Variants in ZFYVE28 observed in about 807,000 individuals in gnomAD.
ZFYVE28 encodes zinc finger FYVE-type containing 28, also known as lateral signaling target protein 2 homolog.
In ZFYVE28, 40 loss-of-function variants were observed where a neutral mutation model predicts 82.1. The observed-to-expected ratio is 0.49, with a 90% CI of 0.38 to 0.63. The LOEUF (loss-of-function observed/expected upper bound fraction) is 0.63, where lower values mean the gene tolerates loss of function less well. ZFYVE28 is among the 30% of genes least tolerant of loss of function. The pLI is 0.00. For missense variants in ZFYVE28, 1,321 were observed against 1,242.1 expected (o/e 1.06, Z -0.96); for synonymous variants, 612 against 546.1 (o/e 1.12, Z -1.68).
At chr4:2,276,165 C>T (rs1304428406) in intron 8 of ZFYVE28, among the ~76,000 whole-genome samples, 1 of 152,188 alleles carries the variant, frequency 6.6e-6, no homozygotes, top group African/African-American at 2.4e-5. Flanking sequence ...AGGCTGGAAG[C>T]GTCCCTGGAG....
In ZFYVE28 at chr4:2,362,111, C is replaced by T. The variant is rs548751989; in HGVS notation, c.40-8038G>A. ...CCAGGCAGCCAGCTCCCTACCCCTACAGCCCCCACACTCAGCCGTGGAGAC... is the reference window on the plus strand; with the variant it reads ...CCAGGCAGCCAGCTCCCTACCCCTATAGCCCCCACACTCAGCCGTGGAGAC... On this transcript the variant is annotated intron_variant, in intron 1 of 12. Coordinates refer to ENST00000290974, the MANE Select transcript of ZFYVE28 (RefSeq NM_020972.3). The surrounding 1 kb of genome is among the most constrained non-coding windows in gnomAD (Gnocchi z 5.1). Among the ~76,000 whole-genome samples the T allele has an allele frequency of 6.6e-5, 10 of 152,268 alleles. No homozygotes were observed. The South Asian group carries it at 1.9e-3, about 28-fold the overall frequency.
intron 1 of ZFYVE28, among the ~76,000 whole-genome samples, chr4:2,358,669 G>A (rs1048940560): frequency 4.6e-5 from 7 of 152,188 alleles, no homozygotes; most frequent in African/African-American, 1.4e-4. Context: ...GCCTGGTGGG[G>A]TTGGATGAGG....
In ZFYVE28 at chr4:2,335,743, C is replaced by T. The variant is rs533488491; in HGVS notation, c.663G>A (p.Pro221=). 6.0e-5 allele frequency: 95 copies of T among 1,575,468 alleles called. No homozygotes were observed. Among genetic ancestry groups the T allele is most frequent in the Non-Finnish European group, 7.5e-5 (87 of 1,160,616 alleles). The change falls in exon 6 of 13, where the codon CCG becomes CCA. Residue 221 remains proline (P), a synonymous_variant. Transcript: ENST00000290974. The surrounding 1 kb of genome is among the most constrained non-coding windows in gnomAD (Gnocchi z 5.8). ...LTQDMIDDYE[P]ALMFSIPRLA... ...GCCTGGGGATGCTGAACATGAGGGC[C>T]GGCTCGTAGTCATCAATCATGTCCT...
chr4:2,284,143 G>A (rs1712377382), intron 8 of ZFYVE28, among the ~76,000 whole-genome samples: 1 of 152,236 alleles, frequency 6.6e-6, no homozygotes, highest in Non-Finnish European at 1.5e-5. Flanking sequence ...CAGGCTCGCT[G>A]TGGAGCATGT....
At chr4:2,405,847 A>G (rs528196379) in intron 1 of ZFYVE28, among the ~76,000 whole-genome samples, 4 of 152,168 alleles carry the variant, frequency 2.6e-5, no homozygotes, top group Non-Finnish European at 5.9e-5. Context: ...CAGGAGTTCG[A>G]GACCACCCTG....
At chr4:2,374,402 A>G (rs969859208) in intron 1 of ZFYVE28, among the ~76,000 whole-genome samples, 4 of 152,202 alleles carry the variant, frequency 2.6e-5, no homozygotes, top group Non-Finnish European at 4.4e-5. Context: ...GTTTGAGTCC[A>G]GGAGCTCGAG....
chr4:2,308,504 AAGGG>A (rs1318096232), intron 7 of ZFYVE28, among the ~76,000 whole-genome samples: 5 of 113,728 alleles, frequency 4.4e-5, no homozygotes, highest in South Asian at 3.4e-4. Context: ...GGAAGGAAGG[AAGGG>A]AGGGAGGGAG....
intron 8 of ZFYVE28, among the ~76,000 whole-genome samples, chr4:2,296,735 C>A (rs1714632424): frequency 3.3e-5 from 5 of 152,142 alleles, no homozygotes; most frequent in Admixed American, 3.3e-4. Context: ...CGGGGCGGCA[C>A]CTGCTGCTCA....
intron 1 of ZFYVE28, among the ~76,000 whole-genome samples, chr4:2,397,512 C>T (rs1003885694): frequency 4.0e-5 from 6 of 151,102 alleles, no homozygotes; most frequent in African/African-American, 1.5e-4. Context: ...CATTGCTGTG[C>T]AACCATCACC....
intron 2 of ZFYVE28, among the ~76,000 whole-genome samples, chr4:2,345,289 C>T (rs1375287503): frequency 6.6e-6 from 1 of 152,154 alleles, no homozygotes; most frequent in East Asian, 1.9e-4. Flanking sequence ...CAAAATCAAG[C>T]CAGACTTGAC....
chr4:2,350,022 G>C (rs997152375), intron 2 of ZFYVE28, among the ~76,000 whole-genome samples: 3 of 128,100 alleles, frequency 2.3e-5, no homozygotes, highest in African/African-American at 8.9e-5. Flanking sequence ...TAGTTCAATA[G>C]GGTGACACAC....
chr4:2,417,480 G>C lies in ZFYVE28; in HGVS notation c.39+805C>G, dbSNP rs1733203557. On this transcript the variant is annotated intron_variant, in intron 1 of 12. Transcript: ENST00000290974. This position sits in a 1 kb window ranked among gnomAD's most constrained non-coding sequence, Gnocchi z 4.8. ...CCCGGACCCCGACCCCGCGGCGCTA[G>C]GAGAGGCGCGGGCGCCGGCTGGAGA... is the stretch of plus-strand genomic sequence containing the variant. 1.3e-5 allele frequency among the ~76,000 whole-genome samples: 2 copies of C among 150,982 alleles called. No individual in the cohort carries two copies. Among genetic ancestry groups the C allele is most frequent in the Admixed American group, 1.3e-4 (2 of 15,152 alleles).
At chr4:2,305,745 G>C (rs1160646050) in intron 7 of ZFYVE28, among the ~76,000 whole-genome samples, 1 of 152,232 alleles carries the variant, frequency 6.6e-6, no homozygotes, top group Non-Finnish European at 1.5e-5. Context: ...GGTGTTCAAG[G>C]TGGCCGGCTG....
intron 6 of ZFYVE28, among the ~76,000 whole-genome samples, chr4:2,322,897 G>A (rs1719307974): frequency 6.6e-6 from 1 of 152,194 alleles, no homozygotes; most frequent in African/African-American, 2.4e-5. Flanking sequence ...GGCTCACCAT[G>A]CTGTGGCACG....
At chr4:2,364,056 C>T (rs10012636) in intron 1 of ZFYVE28, among the ~76,000 whole-genome samples, 13,767 of 152,332 alleles carry the variant, frequency 0.09, 807 homozygotes, top group Non-Finnish European at 0.12. Flanking sequence ...GTTGGTGCCA[C>T]AGCCCCAGGG....
At chr4:2,376,456 G>A (rs1728156070) in intron 1 of ZFYVE28, among the ~76,000 whole-genome samples, 1 of 150,764 alleles carries the variant, frequency 6.6e-6, no homozygotes, top group African/African-American at 2.4e-5. Context: ...AGAAATACCT[G>A]AGACTGGGTA....
chr4:2,398,513 G>C (rs1204722442), intron 1 of ZFYVE28, among the ~76,000 whole-genome samples: 1 of 152,220 alleles, frequency 6.6e-6, no homozygotes, highest in African/African-American at 2.4e-5. Context: ...CAGTACAAGA[G>C]AGGAGCACTG....
At chr4:2,382,199 G>A (rs1728795386) in intron 1 of ZFYVE28, among the ~76,000 whole-genome samples, 1 of 152,264 alleles carries the variant, frequency 6.6e-6, no homozygotes, top group African/African-American at 2.4e-5. Flanking sequence ...CTAGGGCAGT[G>A]TGGAAGGGAA....
intron 1 of ZFYVE28, among the ~76,000 whole-genome samples, chr4:2,406,047 C>CAA (rs766149952): frequency 8.8e-5 from 8 of 90,468 alleles, no homozygotes; most frequent in South Asian, 3.1e-4. Context: ...GATTCTGTCT[C>CAA]AAAAAAAAAA....
Sources: allele counts gnomAD v4.1 joint callset (sites outside exome capture counted in the v4.1 genomes callset), GRCh38; gene constraint gnomAD v4.1.1; non-coding constraint Gnocchi (gnomAD v3.1); transcripts MANE v1.5; gene names NCBI Gene and HGNC (gene_info 2026-07-23, HGNC 2026-07-21).